The following RIMS2 variants were observed in gnomAD, a reference collection of about 807,000 sequenced individuals.
The protein encoded by RIMS2 is regulating synaptic membrane exocytosis 2, also known as regulating synaptic membrane exocytosis protein 2.
A neutral mutation model predicts 174.4 loss-of-function variants in RIMS2; 59 were observed. That is an observed-to-expected ratio of 0.34 (90% CI 0.27 to 0.42). RIMS2 has a LOEUF of 0.42. RIMS2 is among the 10% of genes least tolerant of loss of function. The pLI, the probability that RIMS2 is intolerant of heterozygous loss-of-function variation, is 1.00. For missense variants in RIMS2, 1,620 were observed against 1,666.3 expected, an observed-to-expected ratio of 0.97 and a Z score of 0.48; for synonymous variants, 606 against 572.5, an observed-to-expected ratio of 1.06 and a Z score of -0.84.
At chr8:103,640,385 G>T (rs1245592719) in intron 1 of RIMS2, among the ~76,000 whole-genome samples, 1 of 151,702 alleles carries the variant, frequency 6.6e-6, no homozygotes, top group Non-Finnish European at 1.5e-5. Context: ...CAAGTTCATT[G>T]ATTTTTAACT....
intron 19 of RIMS2, among the ~76,000 whole-genome samples, chr8:104,037,810 T>C (rs2096545378): frequency 1.3e-5 from 2 of 152,102 alleles, no homozygotes; most frequent in South Asian, 4.1e-4. Context: ...TCTATATATG[T>C]AGATATGTAG....
At chr8:103,737,480 C>T (rs897344417) in intron 2 of RIMS2, among the ~76,000 whole-genome samples, 17 of 148,630 alleles carry the variant, frequency 1.1e-4, no homozygotes, top group African/African-American at 4.1e-4. Flanking sequence ...AACCACTGTG[C>T]CCAGCCTGGA....
intron 19 of RIMS2, among the ~76,000 whole-genome samples, chr8:104,136,177 A>G (rs568933503): frequency 6.6e-6 from 1 of 152,258 alleles, no homozygotes; most frequent in Admixed American, 6.5e-5. Flanking sequence ...TACAGTGGTG[A>G]CTTTTTTGAT....
intron 19 of RIMS2, among the ~76,000 whole-genome samples, chr8:104,195,067 A>G (rs1205666166): frequency 6.6e-6 from 1 of 152,228 alleles, no homozygotes; most frequent in Non-Finnish European, 1.5e-5. Context: ...GCTGCCTTTT[A>G]AATAGCTCAT....
At chr8:104,088,318 A>G (rs188571297) in intron 19 of RIMS2, among the ~76,000 whole-genome samples, 1 of 152,096 alleles carries the variant, frequency 6.6e-6, no homozygotes, top group East Asian at 1.9e-4. Flanking sequence ...ATGGTTATTT[A>G]ATGACTGCAG....
intron 19 of RIMS2, among the ~76,000 whole-genome samples, chr8:104,097,983 A>G (rs917383624): frequency 6.6e-6 from 1 of 152,178 alleles, no homozygotes; most frequent in African/African-American, 2.4e-5. Flanking sequence ...CTTACAATTA[A>G]CACAGTAACT....
intron 20 of RIMS2, among the ~76,000 whole-genome samples, chr8:104,246,233 T>C (rs2099329532): frequency 6.6e-6 from 1 of 152,204 alleles, no homozygotes. Flanking sequence ...GTTGGGGATG[T>C]AAGTCATAGG....
At chr8:104,182,507 C>G (rs2098945762) in intron 19 of RIMS2, among the ~76,000 whole-genome samples, 1 of 151,714 alleles carries the variant, frequency 6.6e-6, no homozygotes, top group African/African-American at 2.4e-5. Flanking sequence ...ACCGCATACC[C>G]TTTAGCTATT....
At chr8:103,937,625 G>A (rs2081569360) in intron 13 of RIMS2, among the ~76,000 whole-genome samples, 1 of 152,140 alleles carries the variant, frequency 6.6e-6, no homozygotes, top group Non-Finnish European at 1.5e-5. Flanking sequence ...GAGGGCAGGT[G>A]GTCAAAGGAA....
At chr8:104,088,641 C>T (rs2097578724) in intron 19 of RIMS2, among the ~76,000 whole-genome samples, 1 of 151,912 alleles carries the variant, frequency 6.6e-6, no homozygotes, top group Non-Finnish European at 1.5e-5. Flanking sequence ...TTATTGAAGA[C>T]AAGTGATATT....
At chr8:103,502,554 G>T (rs1386518120) in intron 1 of RIMS2, among the ~76,000 whole-genome samples, 4 of 152,190 alleles carry the variant, frequency 2.6e-5, no homozygotes, top group African/African-American at 9.6e-5. Flanking sequence ...GAAATTAAGA[G>T]ACTTAAGCAG....
chr8:103,940,913 C>G (rs1239018701), intron 13 of RIMS2, among the ~76,000 whole-genome samples: 1 of 151,510 alleles, frequency 6.6e-6, no homozygotes, highest in Non-Finnish European at 1.5e-5. Context: ...CTTGTGTGAC[C>G]TTTGGGAGGA....
intron 3 of RIMS2, among the ~76,000 whole-genome samples, chr8:103,862,987 A>C: frequency 6.6e-6 from 1 of 152,092 alleles, no homozygotes. Flanking sequence ...TCTGGCTGAG[A>C]GTTCCAGTAC....
At chr8:103,598,402 G>A (rs532131752) in intron 1 of RIMS2, among the ~76,000 whole-genome samples, 2 of 152,252 alleles carry the variant, frequency 1.3e-5, no homozygotes, top group African/African-American at 4.8e-5. Flanking sequence ...TGCATTGAAA[G>A]ATGTCAAGAT....
chr8:103,559,045 A>AG (rs2091088901), intron 1 of RIMS2: 1 of 40,562 alleles, frequency 2.5e-5, no homozygotes, highest in African/African-American at 7.9e-5. Flanking sequence ...GGCCTTTCAG[A>AG]TATTTTTTAA....
intron 1 of RIMS2, among the ~76,000 whole-genome samples, chr8:103,562,728 T>G (rs1030448522): frequency 8.5e-5 from 13 of 152,178 alleles, no homozygotes; most frequent in African/African-American, 2.7e-4. Flanking sequence ...CGACCCCACA[T>G]TTCCTTTCTC....
At chr8:104,202,407 A>G (rs2099059596) in intron 19 of RIMS2, among the ~76,000 whole-genome samples, 1 of 152,258 alleles carries the variant, frequency 6.6e-6, no homozygotes, top group Non-Finnish European at 1.5e-5. Flanking sequence ...AGTTTTTAAA[A>G]GAGACTGGTG....
At chr8:103,668,680 TTATG>T (rs1278368242) in intron 1 of RIMS2, among the ~76,000 whole-genome samples, 199 of 151,748 alleles carry the variant, frequency 1.3e-3, no homozygotes, top group African/African-American at 3.5e-3. Context: ...ATTTATTTAT[TTATG>T]TATTTATTTA....
chr8:103,980,117 C>G (rs961775282), intron 16 of RIMS2, among the ~76,000 whole-genome samples: 8 of 152,088 alleles, frequency 5.3e-5, no homozygotes, highest in Non-Finnish European at 1.2e-4. Context: ...TAAAGGAGTG[C>G]TAGTACCACT....
Sources: gnomAD v4.1 joint callset for allele counts (sites outside exome capture counted in the v4.1 genomes callset) on GRCh38, gnomAD v4.1.1 for gene constraint, MANE v1.5 for transcripts, NCBI Gene and HGNC (gene_info 2026-07-23, HGNC 2026-07-21) for gene names.